MYPN: variants seen among roughly 807,000 people sequenced by gnomAD.
The protein encoded by MYPN is sarcomeric protein myopalladin, 145 kDa (MYOP).
Under a neutral mutation model 129.4 loss-of-function variants are expected in MYPN, and 63 were observed. That is an observed-to-expected ratio of 0.49 (90% CI 0.40 to 0.60). The LOEUF is 0.60. MYPN is among the 20% of genes least tolerant of loss of function. The probability of loss-of-function intolerance (pLI) is 0.00; values close to 1 mark genes in which losing one functional copy is unlikely to be tolerated. For synonymous variants in MYPN, 629 were observed against 600.9 expected, an observed-to-expected ratio of 1.05 and a Z score of -0.68; for missense variants, 1,596 against 1,635.4, an observed-to-expected ratio of 0.98 and a Z score of 0.42.
intron 12 of MYPN, among the ~76,000 whole-genome samples, chr10:68,179,393 C>T (rs1035127277): frequency 3.9e-5 from 6 of 152,206 alleles, no homozygotes; most frequent in South Asian, 2.1e-4. Context: ...GGGGCTCAGA[C>T]TGGGCGGTGT....
chr10:68,136,465 C>G (rs1038689044), intron 2 of MYPN: 1 of 1,054,260 alleles, frequency 9.5e-7, no homozygotes, highest in African/African-American at 1.6e-5. Flanking sequence ...GAGTATGGTT[C>G]CCCCTGACCC....
Position 68,174,280 on chromosome 10 carries a change from A to C in MYPN, c.2188A>C (p.Thr730Pro), listed in dbSNP as rs765936568. 1.2e-6 allele frequency: 2 copies of C among 1,614,064 alleles called. No individual in the cohort carries two copies. Among genetic ancestry groups the C allele is most frequent in the South Asian group, 1.1e-5 (1 of 91,088 alleles). Reference sequence around the variant, plus strand: ...CCGGCCGAAGTATTTCTTCCCCTCCACGAACACCACCGCAGCAACTGTGGC... The same window carrying C: ...CCGGCCGAAGTATTTCTTCCCCTCCCCGAACACCACCGCAGCAACTGTGGC... ...LARPKYFFPS[T>P]NTTAATVAPS... is the part of the protein sequence containing the mutation. Residue 730 changes from threonine to proline, a missense_variant, in exon 11 of 20, where the codon ACG becomes CCG. By Grantham distance (38) the Thr-to-Pro change is conservative. Coordinates refer to ENST00000358913, the MANE Select transcript of MYPN (RefSeq NM_032578.4).
At chr10:68,204,404 C>G (rs1203023314) in intron 18 of MYPN, among the ~76,000 whole-genome samples, 1 of 152,198 alleles carries the variant, frequency 6.6e-6, no homozygotes, top group African/African-American at 2.4e-5. Context: ...TACCCCTCCT[C>G]ACCACTGTGA....
At chr10:68,154,953 G>A (rs1476112205) in intron 6 of MYPN, among the ~76,000 whole-genome samples, 2 of 152,164 alleles carry the variant, frequency 1.3e-5, no homozygotes, top group Non-Finnish European at 2.9e-5. Context: ...GTTGAGGCAG[G>A]AGGATCACTT....
chr10:68,172,387 A>G (rs1029039719), intron 10 of MYPN, among the ~76,000 whole-genome samples: 2 of 152,098 alleles, frequency 1.3e-5, no homozygotes, highest in Non-Finnish European at 2.9e-5. Context: ...AGAATAAAGA[A>G]CATATAATTA....
chr10:68,106,288 G>GTT (rs565178181), upstream of MYPN: 800 of 331,164 alleles, frequency 2.4e-3, no homozygotes, highest in South Asian at 6.8e-3. Flanking sequence ...TGAACTTTTA[G>GTT]TTTTTTTTTT....
At chr10:68,202,064 T>G in intron 18 of MYPN, 70 bp downstream of exon 18, 1 of 1,544,526 alleles carries the variant, frequency 6.5e-7, no homozygotes, top group Non-Finnish European at 8.9e-7. Context: ...CAAATAAGTC[T>G]GCTGCTATTT....
rs2043723397 is a variant in MYPN, at chr10:68,202,000, G to T, written c.3659+6G>T. On this transcript the variant is annotated splice_donor_region_variant and intron_variant, in intron 18 of 19. Transcript: ENST00000358913. Reference sequence around the variant, plus strand: ...TGCACCAGAGAGAGGATCAGGTACAGCAGCCACCACATCCAGAGGGACTCC... The same window carrying T: ...TGCACCAGAGAGAGGATCAGGTACATCAGCCACCACATCCAGAGGGACTCC... 1.2e-6 allele frequency: 2 copies of T among 1,613,948 alleles called. No individual in the cohort carries two copies. Among genetic ancestry groups the T allele is most frequent in the Non-Finnish European group, 1.7e-6 (2 of 1,179,994 alleles).
chr10:68,150,030 C>G lies in MYPN; in HGVS notation c.1246-10C>G, dbSNP rs2042740881. 6.2e-7 allele frequency: 1 copy of G among 1,611,006 alleles called. No individual in the cohort carries two copies. The highest frequency in any genetic ancestry group is 8.5e-7 in the Non-Finnish European group (1 of 1,177,308). On this transcript the variant is annotated splice_polypyrimidine_tract_variant and intron_variant, in intron 5 of 19. Coordinates refer to ENST00000358913, the MANE Select transcript of MYPN (RefSeq NM_032578.4). ...TAACAATGAATTTACTGTTGCTTCC[C>G]TTCTACCAGTGTCAGAGCCCCACCA...
chr10:68,160,074 T>C (rs2042947974), intron 7 of MYPN, among the ~76,000 whole-genome samples: 1 of 152,074 alleles, frequency 6.6e-6, no homozygotes, highest in Non-Finnish European at 1.5e-5. Flanking sequence ...TCAGGTTTTA[T>C]TGGTAGTAGC....
intron 19 of MYPN, among the ~76,000 whole-genome samples, chr10:68,209,555 G>C (rs2043871508): frequency 6.6e-6 from 1 of 151,926 alleles, no homozygotes; most frequent in Non-Finnish European, 1.5e-5. Context: ...CCCTCTTTGA[G>C]AGCCTACAAC....
At chr10:68,146,631 T>G (rs929801756) in intron 4 of MYPN, among the ~76,000 whole-genome samples, 1 of 152,210 alleles carries the variant, frequency 6.6e-6, no homozygotes, top group African/African-American at 2.4e-5. Context: ...ATTTGGTGGG[T>G]AAAATGACCC....
At chr10:68,096,770 A>G (rs1044475542) in intron 1 of MYPN, among the ~76,000 whole-genome samples, 11 of 152,226 alleles carry the variant, frequency 7.2e-5, no homozygotes, top group South Asian at 2.1e-4. Flanking sequence ...ATTCACGATC[A>G]TAGAAAGGTT....
chr10:68,147,697 G>A (rs2042692206), intron 4 of MYPN, among the ~76,000 whole-genome samples: 1 of 152,064 alleles, frequency 6.6e-6, no homozygotes, highest in Non-Finnish European at 1.5e-5. Context: ...CTTCCCCTCT[G>A]GACGTAGGTT....
At position 68,189,004 on chromosome 10, in the gene MYPN, G is replaced by A. The variant is rs760580459; in HGVS notation, c.2803G>A (p.Asp935Asn). The change falls in exon 13 of 20, where the codon GAT becomes AAT. Residue 935 changes from aspartate (D) to asparagine (N), a missense_variant. Transcript: ENST00000358913. ...VDESDDEIQH[D>N]EIPTGKCIAP... is the part of the protein sequence containing the mutation. The stretch of plus-strand genomic sequence containing the variant: ...TGAATCAGATGATGAAATTCAACAT[G>A]ATGAGATCCCCACGGGCAAGTGTAT... 6 of 1,614,106 alleles carry A rather than the reference G, an allele frequency of 3.7e-6. No homozygotes were observed. Among genetic ancestry groups the A allele is most frequent in the Non-Finnish European group, 5.1e-6 (6 of 1,180,004 alleles).
At chr10:68,167,420 A>AT (rs2043071792) in intron 10 of MYPN, among the ~76,000 whole-genome samples, 1 of 152,212 alleles carries the variant, frequency 6.6e-6, no homozygotes, top group Admixed American at 6.5e-5. Flanking sequence ...AATAGGATGA[A>AT]TAAGTGGTCA....
rs2043215161 is a variant in MYPN, at chr10:68,175,558, G to T, written c.2703+97G>T. ...TCGGATACTCAGGTAACCTCAGTGAGGCTGATGTTGCAGCTCAGATGGTAG... is the reference window on the plus strand; with the variant it reads ...TCGGATACTCAGGTAACCTCAGTGATGCTGATGTTGCAGCTCAGATGGTAG... On this transcript the variant is annotated intron_variant, in intron 12 of 19. Coordinates refer to ENST00000358913, the MANE Select transcript of MYPN (RefSeq NM_032578.4). 3.7e-6 allele frequency: 5 copies of T among 1,349,064 alleles called. No individual in the cohort carries two copies. The African/African-American group carries it at 5.7e-5, about 16-fold the overall frequency. 83.6% of individuals were successfully genotyped at this position (1,349,064 alleles called of 1,614,324 possible). A position where few individuals can be genotyped will look rare whatever the true frequency, so the allele number is the denominator to read the frequency against.
At chr10:68,126,739 G>T (rs2042331744) in intron 2 of MYPN, among the ~76,000 whole-genome samples, 1 of 152,188 alleles carries the variant, frequency 6.6e-6, no homozygotes, top group Non-Finnish European at 1.5e-5. Flanking sequence ...CTGAGATAAG[G>T]GAAGAAGTGG....
rs199476401 is a variant in MYPN, at chr10:68,121,896, A to G, written c.458A>G (p.Lys153Arg). The G allele has an allele frequency of 1.7e-5, 27 of 1,614,120 alleles. No homozygotes were observed. The highest frequency in any genetic ancestry group is 2.1e-5 in the Non-Finnish European group (25 of 1,180,054). The part of the protein sequence containing the change: ...ETQSKKVFLN[K>R]AADFIEELSS... ...CAGTCCAAAAAAGTATTTTTAAATAAGGCTGCCGACTTCATTGAAGAGCTA... is the reference window on the plus strand; with the variant it reads ...CAGTCCAAAAAAGTATTTTTAAATAGGGCTGCCGACTTCATTGAAGAGCTA... The change falls in exon 2 of 20, where the codon AAG (lysine) becomes AGG (arginine). Residue 153 changes from lysine (K) to arginine (R), a missense_variant. By Grantham distance (26) the Lys-to-Arg change is conservative. Coordinates refer to ENST00000358913, the MANE Select transcript of MYPN (RefSeq NM_032578.4).
Sources: gnomAD v4.1 joint callset for allele counts (sites outside exome capture counted in the v4.1 genomes callset) on GRCh38, gnomAD v4.1.1 for gene constraint, MANE v1.5 for transcripts, NCBI Gene and HGNC (gene_info 2026-07-23, HGNC 2026-07-21) for gene names.